Variants in EXOC1 observed in about 807,000 individuals in gnomAD.
The protein encoded by EXOC1 is SEC3-like 1.
A neutral mutation model predicts 107.7 loss-of-function variants in EXOC1; 67 were observed. The ratio of observed to expected loss-of-function variants is 0.62; its 90% CI spans 0.51 to 0.76. The LOEUF (loss-of-function observed/expected upper bound fraction) is 0.76, where lower values mean the gene tolerates loss of function less well. Among genes scored for constraint, EXOC1 ranks in the 30% least tolerant of loss-of-function variants. EXOC1 has a pLI of 0.00. For synonymous variants in EXOC1, 348 were observed against 353.5 expected, an observed-to-expected ratio of 0.98 and a Z score of 0.17; for missense variants, 833 against 1,055.7, an observed-to-expected ratio of 0.79 and a Z score of 2.92.
At chr4:55,877,618 C>T in intron 8 of EXOC1, 3 of 985,320 alleles carry the variant, frequency 3.0e-6, no homozygotes, top group Non-Finnish European at 3.6e-6. Context: ...ATGAGAGAGA[C>T]AAGCTTCATT....
At position 55,893,566 on chromosome 4, in the gene EXOC1, G is replaced by T; in HGVS notation, c.1739G>T (p.Arg580Leu). 6.2e-7 allele frequency: 1 copy of T among 1,612,864 alleles called. No individual in the cohort carries two copies. Among genetic ancestry groups the T allele is most frequent in the Admixed American group, 1.7e-5 (1 of 59,996 alleles). The change falls in exon 15 of 19, where the codon CGC becomes CTC. Residue 580 changes from arginine to leucine, a missense_variant. By Grantham distance (102) the Arg-to-Leu change is moderately radical. This residue lies in a region of EXOC1 where 617 missense variants were observed against 701.3 expected (regional missense o/e 0.88). Coordinates refer to ENST00000381295, the MANE Select transcript of EXOC1 (RefSeq NM_001024924.2). Reference sequence around the variant, plus strand: ...TTTCTGAACAGGAAAGATATGATCCGCCAAATGATGATTAAAATATTTCGC... The same window carrying T: ...TTTCTGAACAGGAAAGATATGATCCTCCAAATGATGATTAAAATATTTCGC... ...LPVSSEKDMI[R>L]QMMIKIFRCI...
At chr4:55,898,657 T>C (rs982869389) in intron 16 of EXOC1, among the ~76,000 whole-genome samples, 2 of 152,222 alleles carry the variant, frequency 1.3e-5, no homozygotes, top group African/African-American at 4.8e-5. Flanking sequence ...CCCTCTCTTC[T>C]ATATATGGGC....
intron 5 of EXOC1, among the ~76,000 whole-genome samples, chr4:55,869,527 A>G (rs1008040391): frequency 3.3e-5 from 5 of 152,362 alleles, no homozygotes; most frequent in South Asian, 2.1e-4. Flanking sequence ...TTAGTGTTGT[A>G]TACATGAAAG....
At chr4:55,858,285 G>A in intron 1 of EXOC1, 29 bp from the exon 2 acceptor site, 6 of 1,557,686 alleles carry the variant, frequency 3.9e-6, no homozygotes, top group Non-Finnish European at 5.2e-6. Context: ...TTGAGGGTGA[G>A]CTTAATATCT....
At chr4:55,872,060 G>A in intron 8 of EXOC1, 102 bp downstream of exon 8, 1 of 1,012,604 alleles carries the variant, frequency 9.9e-7, no homozygotes, top group South Asian at 1.7e-5. Context: ...TGGGGTTGCA[G>A]TCAATTCCTT....
chr4:55,900,424 C>T (rs1577791361), intron 17 of EXOC1: 1 of 151,374 alleles, frequency 6.6e-6, no homozygotes, highest in South Asian at 2.1e-4. Flanking sequence ...TCTTTCCCTT[C>T]TTTTTTTTTC....
intron 10 of EXOC1, among the ~76,000 whole-genome samples, chr4:55,887,570 T>A (rs1724044040): frequency 6.6e-6 from 1 of 152,094 alleles, no homozygotes; most frequent in Non-Finnish European, 1.5e-5. Flanking sequence ...GCACTACTAC[T>A]AAGTCTGTAT....
intron 11 of EXOC1, among the ~76,000 whole-genome samples, chr4:55,889,375 T>C (rs1724254752): frequency 6.6e-6 from 1 of 152,212 alleles, no homozygotes; most frequent in South Asian, 2.1e-4. Context: ...TTATTGTTTA[T>C]GTTTAATTCT....
chr4:55,895,144 A>G (rs1725055619), intron 15 of EXOC1, among the ~76,000 whole-genome samples: 1 of 152,142 alleles, frequency 6.6e-6, no homozygotes. Flanking sequence ...TCTTATTTCA[A>G]TAATGTCTTA....
rs570536985 is a variant in EXOC1 at position 55,877,455 on chromosome 4, A to G, written c.1075-462A>G. ...TTCCAATTCCAAGCTCTAAGACTTT[A>G]TATTCTACTTTTTTTTATCTGTTGT... On this transcript the variant is annotated intron_variant, in intron 8 of 18. Transcript: ENST00000381295. 7.7e-5 allele frequency: 76 copies of G among 985,262 alleles called. 1 individual carries two copies. The African/African-American group carries it at 1.0e-3, about 14-fold the overall frequency. The allele number at this position is 985,262 out of a possible 1,614,324, so 61.0% of individuals were successfully genotyped here. A position where few individuals can be genotyped will look rare whatever the true frequency, so the allele number is the denominator to read the frequency against.
In EXOC1 at chr4:55,890,332, G is replaced by A. The variant is rs1724370601; in HGVS notation, c.1485G>A (p.Met495Ile). The A allele has an allele frequency of 1.9e-6, 3 of 1,613,944 alleles. No individual in the cohort carries two copies. The highest frequency in any genetic ancestry group is 1.7e-6 in the Non-Finnish European group (2 of 1,179,942). The change falls in exon 12 of 19, where the codon ATG (methionine) becomes ATA (isoleucine). Residue 495 changes from methionine (M) to isoleucine (I), a missense_variant. By Grantham distance (10) the Met-to-Ile change is conservative. Coordinates refer to ENST00000381295, the MANE Select transcript of EXOC1 (RefSeq NM_001024924.2). ...CTCAGTCATCTTCCCTGTTGGATAT[G>A]GGAAACATGTCTGCCTCTGATCTCG... is the stretch of plus-strand genomic sequence containing the variant. ...RRSQSSSLLD[M>I]GNMSASDLDV...
rs759572694 is a variant in EXOC1, at chr4:55,896,720, A to G, written c.1957A>G (p.Asn653Asp). Residue 653 changes from asparagine to aspartate, a missense_variant, in exon 16 of 19, where the codon AAC becomes GAC. By Grantham distance (23) the Asn-to-Asp change is conservative. Around this residue, in one of 2 missense-constraint regions of EXOC1, gnomAD observed 216 missense variants for 354.4 expected, o/e 0.61. Coordinates refer to ENST00000381295, the MANE Select transcript of EXOC1 (RefSeq NM_001024924.2). ...CTTGCTCTCTGCCTAACTTTAGAGT[A>G]ACCAAATAAGGCAAATGGAAGAAGT... ...VKRNFDKCIS[N>D]QIRQMEEVKI... 5 of 1,601,448 alleles carry G rather than the reference A, an allele frequency of 3.1e-6. No individual in the cohort carries two copies. Among genetic ancestry groups the G allele is most frequent in the Non-Finnish European group, 4.2e-6 (5 of 1,176,516 alleles).
chr4:55,883,766 A>G, intron 9 of EXOC1, 57 bp from the exon 10 acceptor site: 2 of 1,119,464 alleles, frequency 1.8e-6, no homozygotes, highest in Non-Finnish European at 2.5e-6. Flanking sequence ...GAATTGAAAA[A>G]TTGAAATTGT....
chr4:55,898,957 ATC>A (rs1375654455), intron 16 of EXOC1, among the ~76,000 whole-genome samples: 2 of 152,160 alleles, frequency 1.3e-5, no homozygotes, highest in African/African-American at 4.8e-5. Flanking sequence ...GGATTTATGT[ATC>A]TCAAGTCTTT....
At chr4:55,869,224 G>C (rs1255870295) in intron 5 of EXOC1, among the ~76,000 whole-genome samples, 1 of 151,968 alleles carries the variant, frequency 6.6e-6, no homozygotes, top group Non-Finnish European at 1.5e-5. Context: ...AAATTAGCCA[G>C]ACATGGTGGC....
At chr4:55,884,812 A>G (rs1312902594) in intron 10 of EXOC1, among the ~76,000 whole-genome samples, 1 of 152,232 alleles carries the variant, frequency 6.6e-6, no homozygotes, top group African/African-American at 2.4e-5. Flanking sequence ...AACATGATTC[A>G]AAACTGATAG....
intron 15 of EXOC1, among the ~76,000 whole-genome samples, chr4:55,895,311 ATTGT>A (rs1261917934): frequency 6.6e-6 from 1 of 152,192 alleles, no homozygotes; most frequent in Non-Finnish European, 1.5e-5. Flanking sequence ...AATAAGGTAG[ATTGT>A]TTGAGAGGTG....
intron 8 of EXOC1, 132 bp from the exon 9 acceptor site, chr4:55,877,785 G>A (rs1336828369): frequency 1.4e-6 from 2 of 1,462,476 alleles, no homozygotes; most frequent in Non-Finnish European, 1.8e-6. Context: ...ATTTTTCTGT[G>A]TTCTATTCTT....
intron 1 of EXOC1, among the ~76,000 whole-genome samples, chr4:55,854,714 T>G (rs1006575426): frequency 6.6e-6 from 1 of 152,178 alleles, no homozygotes; most frequent in African/African-American, 2.4e-5. Context: ...TCCTGTCTTG[T>G]TTTGCCTCTT....
Sources: gnomAD v4.1 joint callset for allele counts (sites outside exome capture counted in the v4.1 genomes callset) on GRCh38, gnomAD v4.1.1 for gene constraint, gnomAD v4.1.1 regional missense constraint, MANE v1.5 for transcripts, NCBI Gene and HGNC (gene_info 2026-07-23, HGNC 2026-07-21) for gene names.